Variants in STPG2 observed in about 807,000 individuals in gnomAD.
The protein encoded by STPG2 is sperm-tail PG-rich repeat-containing protein 2.
Under a neutral mutation model 54.2 loss-of-function variants are expected in STPG2, and 56 were observed. The ratio of observed to expected loss-of-function variants is 1.03; its 90% CI spans 0.83 to 1.29. The LOEUF is 1.29. Ranked by LOEUF, STPG2 falls within the 50% of genes most tolerant of loss-of-function variation. The pLI is 0.00. For synonymous variants in STPG2, 200 were observed against 181.8 expected (o/e 1.10, Z -0.81); for missense variants, 596 against 544.9 (o/e 1.09, Z -0.93).
At chr4:98,113,375 CA>C (rs200606855) in intron 3 of STPG2, among the ~76,000 whole-genome samples, 17 of 149,128 alleles carry the variant, frequency 1.1e-4, no homozygotes, top group Middle Eastern at 3.5e-3. Context: ...TAGTTACAGA[CA>C]AAAAAAAATG....
chr4:98,031,958 G>A (rs1384020825), intron 5 of STPG2, among the ~76,000 whole-genome samples: 1 of 152,008 alleles, frequency 6.6e-6, no homozygotes, highest in African/African-American at 2.4e-5. Flanking sequence ...CAACAAACAT[G>A]AAAAAATGCT....
chr4:98,015,545 G>C (rs1419557031), intron 5 of STPG2, among the ~76,000 whole-genome samples: 1 of 152,006 alleles, frequency 6.6e-6, no homozygotes, highest in African/African-American at 2.4e-5. Context: ...AATCATTAAA[G>C]AGTCAGGAAA....
chr4:98,114,529 T>G (rs1289571732), intron 3 of STPG2, among the ~76,000 whole-genome samples: 1 of 152,088 alleles, frequency 6.6e-6, no homozygotes, highest in African/African-American at 2.4e-5. Flanking sequence ...ACATCACATT[T>G]TTATAGCCTA....
intron 9 of STPG2, among the ~76,000 whole-genome samples, chr4:97,756,381 G>A (rs1578537720): frequency 6.6e-6 from 1 of 152,244 alleles, no homozygotes; most frequent in Non-Finnish European, 1.5e-5. Context: ...GAGTGCAATG[G>A]CACAATCTTG....
intron 8 of STPG2, among the ~76,000 whole-genome samples, chr4:97,852,478 A>T (rs1201223453): frequency 6.6e-6 from 1 of 152,166 alleles, no homozygotes; most frequent in Non-Finnish European, 1.5e-5. Flanking sequence ...GTGGAAGGAC[A>T]CTGTGCACAA....
At chr4:97,931,648 T>C (rs1578703598) in intron 8 of STPG2, among the ~76,000 whole-genome samples, 1 of 64,932 alleles carries the variant, frequency 1.5e-5, no homozygotes, top group African/African-American at 3.2e-5. Flanking sequence ...GTTTTTTTGT[T>C]TTTGGTTTTT....
chr4:97,986,584 T>G (rs1734838621), intron 5 of STPG2, among the ~76,000 whole-genome samples: 1 of 152,166 alleles, frequency 6.6e-6, no homozygotes, highest in African/African-American at 2.4e-5. Context: ...CAAAGTATAT[T>G]TTAAAACAGA....
intron 6 of STPG2, among the ~76,000 whole-genome samples, chr4:97,975,546 T>G (rs1734469567): frequency 6.6e-6 from 1 of 152,158 alleles, no homozygotes; most frequent in Non-Finnish European, 1.5e-5. Context: ...TCTATGCTGT[T>G]CAAAAGTTTT....
intron 7 of STPG2, 28 bp downstream of exon 7, chr4:97,972,252 G>A: frequency 1.4e-6 from 2 of 1,450,714 alleles, no homozygotes; most frequent in South Asian, 1.4e-5. Flanking sequence ...TCAACATAAA[G>A]AATATTATTT....
At chr4:98,130,430 T>C (rs1739955619) in intron 2 of STPG2, among the ~76,000 whole-genome samples, 1 of 151,924 alleles carries the variant, frequency 6.6e-6, no homozygotes, top group Non-Finnish European at 1.5e-5. Flanking sequence ...TGCCCCCACT[T>C]CCCTGGCCTC....
chr4:97,632,322 T>C (rs1245751421), intron 10 of STPG2, among the ~76,000 whole-genome samples: 1 of 150,812 alleles, frequency 6.6e-6, no homozygotes, highest in Admixed American at 6.6e-5. Flanking sequence ...CCCACTGGCA[T>C]GGGAAAAGTA....
intron 4 of STPG2, among the ~76,000 whole-genome samples, chr4:97,455,817 C>T (rs1729502672): frequency 6.6e-6 from 1 of 152,154 alleles, no homozygotes; most frequent in Non-Finnish European, 1.5e-5. Flanking sequence ...CCAACTGAGG[C>T]TTCAGGAGCT....
chr4:97,934,296 T>A (rs547393004), intron 8 of STPG2, among the ~76,000 whole-genome samples: 1 of 152,324 alleles, frequency 6.6e-6, no homozygotes, highest in East Asian at 1.9e-4. Flanking sequence ...TAGGATCATA[T>A]TGTCTGCAAA....
intron 9 of STPG2, among the ~76,000 whole-genome samples, chr4:97,797,648 T>G (rs1419143705): frequency 6.6e-6 from 1 of 152,186 alleles, no homozygotes; most frequent in Non-Finnish European, 1.5e-5. Context: ...TCTAAAATTC[T>G]CTTTTTTTGT....
chr4:97,472,572 C>T (rs1161467575), intron 4 of STPG2, among the ~76,000 whole-genome samples: 3 of 152,088 alleles, frequency 2.0e-5, no homozygotes, highest in Non-Finnish European at 4.4e-5. Context: ...TGAAAGCAAC[C>T]AAGATGTCTT....
chr4:98,022,525 T>C (rs1578790003), intron 5 of STPG2, among the ~76,000 whole-genome samples: 1 of 151,498 alleles, frequency 6.6e-6, no homozygotes, highest in East Asian at 1.9e-4. Context: ...GGAGTATCTT[T>C]GTGGCGTTCT....
intron 9 of STPG2, among the ~76,000 whole-genome samples, chr4:97,792,002 A>G (rs1727006072): frequency 6.6e-6 from 1 of 152,084 alleles, no homozygotes; most frequent in Non-Finnish European, 1.5e-5. Flanking sequence ...AGAGATCTTG[A>G]AAACAGGTAG....
intron 8 of STPG2, among the ~76,000 whole-genome samples, chr4:97,879,568 A>G (rs1560568280): frequency 6.6e-6 from 1 of 152,146 alleles, no homozygotes; most frequent in Non-Finnish European, 1.5e-5. Flanking sequence ...TGAGAACAGT[A>G]TGGGGGAAAC....
At chr4:97,472,332 T>TA (rs1729957866) in intron 4 of STPG2, among the ~76,000 whole-genome samples, 1 of 152,202 alleles carries the variant, frequency 6.6e-6, no homozygotes, top group South Asian at 2.1e-4. Context: ...ACGCAGTCAG[T>TA]GGGCATCCCC....
Sources: gnomAD v4.1 joint callset for allele counts (sites outside exome capture counted in the v4.1 genomes callset) on GRCh38, gnomAD v4.1.1 for gene constraint, MANE v1.5 for transcripts, NCBI Gene and HGNC (gene_info 2026-07-23, HGNC 2026-07-21) for gene names.